EFNA5: variants seen among roughly 807,000 people sequenced by gnomAD.
EFNA5 encodes the protein ephrin-A5.
EFNA5 carries 5 observed loss-of-function variants against 22.9 expected under a neutral mutation model. That is an observed-to-expected ratio of 0.22 (90% CI 0.11 to 0.46). The LOEUF (loss-of-function observed/expected upper bound fraction) is 0.46. Among genes scored for constraint, EFNA5 ranks in the 20% least tolerant of loss-of-function variants. EFNA5 has a pLI of 0.99. For missense variants in EFNA5, 237 were observed against 293.3 expected (o/e 0.81, Z 1.40); for synonymous variants, 113 against 112.2 (o/e 1.01, Z -0.04).
chr5:107,417,091 A>ACT (rs1201552471), intron 2 of EFNA5, among the ~76,000 whole-genome samples: 1 of 152,162 alleles, frequency 6.6e-6, no homozygotes, highest in African/African-American at 2.4e-5. Flanking sequence ...AACAATATAC[A>ACT]TTCTTCTTAA....
chr5:107,663,831 T>C (rs1269655662), intron 1 of EFNA5, among the ~76,000 whole-genome samples: 3 of 152,168 alleles, frequency 2.0e-5, no homozygotes, highest in Non-Finnish European at 4.4e-5. Flanking sequence ...CATTCAAACG[T>C]ATTTTTATTC....
intron 2 of EFNA5, among the ~76,000 whole-genome samples, chr5:107,413,729 C>T (rs1269628052): frequency 6.6e-6 from 1 of 151,978 alleles, no homozygotes; most frequent in East Asian, 1.9e-4. Context: ...AATGCAAAAA[C>T]CCTAAAGGGT....
intron 1 of EFNA5, among the ~76,000 whole-genome samples, chr5:107,451,544 G>A (rs27661): frequency 0.47 from 71,081 of 151,884 alleles, 19,244 homozygotes; most frequent in African/African-American, 0.76. Context: ...AATAATCTCA[G>A]TATACATTTA....
intron 1 of EFNA5, among the ~76,000 whole-genome samples, chr5:107,472,182 T>G (rs1294357941): frequency 1.3e-5 from 2 of 152,266 alleles, no homozygotes; most frequent in East Asian, 3.9e-4. Context: ...TCTACAATGC[T>G]TGGGGGCTAA....
chr5:107,599,023 A>G (rs769492175), intron 1 of EFNA5, among the ~76,000 whole-genome samples: 5 of 152,162 alleles, frequency 3.3e-5, no homozygotes, highest in Non-Finnish European at 7.4e-5. Flanking sequence ...CCTAGTCAGG[A>G]AGTCACTGTG....
chr5:107,410,145 A>G (rs1748327701), intron 2 of EFNA5, among the ~76,000 whole-genome samples: 1 of 148,294 alleles, frequency 6.7e-6, no homozygotes, highest in Admixed American at 7.0e-5. Flanking sequence ...CTCCTGCCTC[A>G]GCCTCCCAAG....
intron 1 of EFNA5, among the ~76,000 whole-genome samples, chr5:107,581,474 A>G (rs1580541587): frequency 6.6e-6 from 1 of 152,184 alleles, no homozygotes; most frequent in East Asian, 1.9e-4. Flanking sequence ...CAGCACATCG[A>G]ATATCTGATT....
At chr5:107,596,930 G>A (rs1367681467) in intron 1 of EFNA5, among the ~76,000 whole-genome samples, 1 of 152,072 alleles carries the variant, frequency 6.6e-6, no homozygotes, top group Non-Finnish European at 1.5e-5. Flanking sequence ...AATTGAATTA[G>A]GTGGATCAGG....
intron 1 of EFNA5, among the ~76,000 whole-genome samples, chr5:107,430,656 T>C (rs1455975124): frequency 6.6e-6 from 1 of 152,162 alleles, no homozygotes; most frequent in Admixed American, 6.5e-5. Context: ...CCCATTCTAC[T>C]TTGTGTTGAC....
chr5:107,610,599 C>T (rs529282194), intron 1 of EFNA5, among the ~76,000 whole-genome samples: 11 of 152,272 alleles, frequency 7.2e-5, no homozygotes, highest in South Asian at 4.1e-4. Context: ...CATCACAAAA[C>T]GTATCTCTTT....
chr5:107,399,897 G>A (rs771370577), intron 2 of EFNA5, among the ~76,000 whole-genome samples: 22 of 152,032 alleles, frequency 1.4e-4, no homozygotes, highest in Admixed American at 5.2e-4. Flanking sequence ...TTGAGTAACC[G>A]GTCAGACAAG....
At chr5:107,429,579 G>A (rs1748895085) in intron 1 of EFNA5, among the ~76,000 whole-genome samples, 1 of 152,192 alleles carries the variant, frequency 6.6e-6, no homozygotes, top group Non-Finnish European at 1.5e-5. Context: ...AGTAGACCTA[G>A]ATTTAAGAAC....
intron 1 of EFNA5, among the ~76,000 whole-genome samples, chr5:107,537,818 G>A (rs1747959218): frequency 2.0e-5 from 3 of 152,132 alleles, no homozygotes; most frequent in Admixed American, 1.3e-4. Context: ...TAATTACTGT[G>A]CAGTATTCAA....
At chr5:107,385,448 C>A (rs1421247637) in intron 4 of EFNA5, among the ~76,000 whole-genome samples, 2 of 152,162 alleles carry the variant, frequency 1.3e-5, no homozygotes, top group Admixed American at 1.3e-4. Context: ...ATCAAGAGAT[C>A]ATAATCCTGG....
At chr5:107,565,382 A>C (rs549437381) in intron 1 of EFNA5, among the ~76,000 whole-genome samples, 52 of 152,318 alleles carry the variant, frequency 3.4e-4, no homozygotes, top group African/African-American at 1.3e-3. Context: ...ATCTCTGTTT[A>C]TGTTTACATA....
intron 1 of EFNA5, among the ~76,000 whole-genome samples, chr5:107,533,058 G>A (rs1339922548): frequency 1.3e-5 from 2 of 152,120 alleles, no homozygotes; most frequent in Admixed American, 6.5e-5. Flanking sequence ...GGAGAAGGGA[G>A]GTGGTAATGT....
intron 1 of EFNA5, among the ~76,000 whole-genome samples, chr5:107,478,447 A>G (rs1038207929): frequency 2.0e-5 from 3 of 151,798 alleles, no homozygotes; most frequent in African/African-American, 7.3e-5. Context: ...TAAATTTCAG[A>G]AGATATCTAC....
At chr5:107,555,471 C>T (rs554589465) in intron 1 of EFNA5, among the ~76,000 whole-genome samples, 10 of 152,238 alleles carry the variant, frequency 6.6e-5, no homozygotes, top group African/African-American at 7.2e-5. Flanking sequence ...TTTTATTCTA[C>T]AATAATTGAG....
chr5:107,614,656 T>C (rs192590281), intron 1 of EFNA5, among the ~76,000 whole-genome samples: 31 of 152,272 alleles, frequency 2.0e-4, no homozygotes, highest in African/African-American at 7.2e-4. Flanking sequence ...GTCTTAGCTT[T>C]CAGGATAGTC....
Sources: gnomAD v4.1 joint callset for allele counts (sites outside exome capture counted in the v4.1 genomes callset) on GRCh38, gnomAD v4.1.1 for gene constraint, MANE v1.5 for transcripts, NCBI Gene and HGNC (gene_info 2026-07-23, HGNC 2026-07-21) for gene names.